Variants in DEFB104B observed in about 807,000 individuals in gnomAD.
DEFB104B encodes defensin beta 104B.
intron 1 of DEFB104B, among the ~76,000 whole-genome samples, chr8:7,474,107 C>T (rs190401130): frequency 1.4e-5 from 2 of 141,070 alleles, no homozygotes; most frequent in East Asian, 2.0e-4. Flanking sequence ...ATCTGAATCA[C>T]AGTGGAGGCA....
chr8:7,472,148 G>T (rs1348626878), intron 1 of DEFB104B, among the ~76,000 whole-genome samples: 1 of 141,020 alleles, frequency 7.1e-6, no homozygotes, highest in African/African-American at 2.9e-5. Flanking sequence ...GAGGTGGGCT[G>T]CAGTGTGTAT....
intron 1 of DEFB104B, among the ~76,000 whole-genome samples, chr8:7,473,804 G>GTCTTTC (rs1452661104): frequency 3.8e-5 from 5 of 129,936 alleles, no homozygotes; most frequent in South Asian, 2.8e-4. Flanking sequence ...AACTGCAGAG[G>GTCTTTC]ACAGTCTGAC....
At chr8:7,472,739 G>C (rs1473841871) in intron 1 of DEFB104B, among the ~76,000 whole-genome samples, 2 of 133,862 alleles carry the variant, frequency 1.5e-5, no homozygotes, top group Non-Finnish European at 3.1e-5. Context: ...AGGAGGTCCT[G>C]AGGACATGTG....
intron 1 of DEFB104B, among the ~76,000 whole-genome samples, chr8:7,470,993 T>G (rs1303215084): frequency 2.7e-5 from 4 of 148,238 alleles, no homozygotes; most frequent in African/African-American, 9.9e-5. Flanking sequence ...TTCCTTCCCA[T>G]AAGTGAATTC....
intron 1 of DEFB104B, among the ~76,000 whole-genome samples, chr8:7,473,983 TG>T (rs1811042365): frequency 7.2e-6 from 1 of 139,374 alleles, no homozygotes; most frequent in Middle Eastern, 3.4e-3. Context: ...TTAACAGACC[TG>T]GAACATGCTC....
chr8:7,472,294 G>A (rs1405704699), intron 1 of DEFB104B, among the ~76,000 whole-genome samples: 7 of 131,076 alleles, frequency 5.3e-5, no homozygotes, highest in South Asian at 5.5e-4. Flanking sequence ...GAAGCTTAGC[G>A]TTAGGGGAGA....
intron 1 of DEFB104B, among the ~76,000 whole-genome samples, chr8:7,472,534 T>C (rs1810990522): frequency 7.3e-6 from 1 of 136,548 alleles, no homozygotes; most frequent in African/African-American, 2.9e-5. Context: ...GTCCATACAC[T>C]AAGGCTGAGT....
intron 1 of DEFB104B, among the ~76,000 whole-genome samples, chr8:7,471,275 T>C (rs1401682821): frequency 4.9e-5 from 6 of 122,932 alleles, no homozygotes; most frequent in African/African-American, 1.6e-4. Context: ...TCATTCGAAC[T>C]ATGAGCTCCC....
At chr8:7,472,371 C>T (rs564810221) in intron 1 of DEFB104B, among the ~76,000 whole-genome samples, 16 of 128,346 alleles carry the variant, frequency 1.2e-4, no homozygotes, top group African/African-American at 5.0e-4. Flanking sequence ...AACAAGCCCT[C>T]ACAGGCCATC....
chr8:7,471,134 C>G (rs1469710490), intron 1 of DEFB104B, among the ~76,000 whole-genome samples: 1 of 151,926 alleles, frequency 6.6e-6, no homozygotes, highest in African/African-American at 2.4e-5. Context: ...TCACCTATCG[C>G]AAGTTGTAGT....
At chr8:7,471,954 C>G (rs1340832656) in intron 1 of DEFB104B, among the ~76,000 whole-genome samples, 5 of 150,738 alleles carry the variant, frequency 3.3e-5, no homozygotes, top group Non-Finnish European at 5.9e-5. Flanking sequence ...TATCAAGGTT[C>G]TTTGTCCAGG....
At chr8:7,472,001 A>T (rs1810965351) in intron 1 of DEFB104B, among the ~76,000 whole-genome samples, 1 of 151,372 alleles carries the variant, frequency 6.6e-6, no homozygotes, top group Non-Finnish European at 1.5e-5. Flanking sequence ...TGACCAATTC[A>T]TGTGCTGGAT....
intron 1 of DEFB104B, among the ~76,000 whole-genome samples, chr8:7,471,246 A>T: frequency 8.2e-6 from 1 of 121,450 alleles, no homozygotes. Context: ...ATGTATGTAT[A>T]TTTTGTTATT....
In DEFB104B at chr8:7,473,965, A is replaced by C. The variant is rs1325653181; in HGVS notation, c.58+1046T>G. Among the ~76,000 whole-genome samples the C allele has an allele frequency of 2.2e-5, 3 of 139,102 alleles. 1 individual carries two copies. The highest frequency in any genetic ancestry group is 4.8e-5 in the Non-Finnish European group (3 of 62,080). The allele number at this position is 139,102 out of a possible 152,430, so 91.3% of individuals were successfully genotyped here. On this transcript the variant is annotated intron_variant, in intron 1 of 1. Transcript: ENST00000316169. ...AAAACCTGTTCTTTGATAAATTGCT[A>C]TCATATTTTAACAGACCTGGAACAT...
intron 1 of DEFB104B, among the ~76,000 whole-genome samples, chr8:7,471,026 T>G (rs1810919416): frequency 6.6e-6 from 1 of 151,840 alleles, no homozygotes; most frequent in East Asian, 2.0e-4. Flanking sequence ...TGTCTCAACC[T>G]TAAGTTCCCA....
chr8:7,474,022 G>A lies in DEFB104B; in HGVS notation c.58+989C>T, dbSNP rs558063187. On this transcript the variant is annotated intron_variant, in intron 1 of 1. Coordinates refer to ENST00000316169, the MANE Select transcript of DEFB104B (RefSeq NM_001040702.1). ...AGCAGAATTTCACAGAAGTGTCTTT[G>A]GGAAATGACACGGGAAGAAAGAAAA... is the stretch of plus-strand genomic sequence containing the variant. 9.3e-5 allele frequency among the ~76,000 whole-genome samples: 13 copies of A among 139,864 alleles called. 1 individual carries two copies. In the South Asian group the frequency reaches 2.7e-3, roughly 29 times the overall value. 91.8% of individuals were successfully genotyped at this position (139,864 alleles called of 152,430 possible).
intron 1 of DEFB104B, among the ~76,000 whole-genome samples, chr8:7,472,103 C>T (rs62639766): frequency 1 from 144,941 of 145,300 alleles, 72,295 homozygotes; most frequent in Middle Eastern, 1. Flanking sequence ...AAGCAAGCCC[C>T]TGTGGTCACA....
intron 1 of DEFB104B, among the ~76,000 whole-genome samples, chr8:7,472,558 TA>T (rs1810991159): frequency 7.4e-6 from 1 of 134,996 alleles, no homozygotes; most frequent in African/African-American, 3.0e-5. Flanking sequence ...AAACATTTCC[TA>T]AGCAATAAAT....
intron 1 of DEFB104B, among the ~76,000 whole-genome samples, chr8:7,472,911 C>T (rs1485078219): frequency 3.3e-5 from 4 of 121,314 alleles, no homozygotes; most frequent in Non-Finnish European, 6.7e-5. Flanking sequence ...GGGTAGAGTG[C>T]AATGGCACGA....
Sources: allele counts gnomAD v4.1 joint callset (sites outside exome capture counted in the v4.1 genomes callset), GRCh38; gene constraint gnomAD v4.1.1; transcripts MANE v1.5; gene names NCBI Gene and HGNC (gene_info 2026-07-23, HGNC 2026-07-21).